Variants in MCM3AP observed in about 807,000 individuals in gnomAD.
MCM3AP encodes germinal-center associated nuclear protein.
Under a neutral mutation model 184.1 loss-of-function variants are expected in MCM3AP, and 126 were observed. The observed-to-expected ratio is 0.68, with a 90% CI of 0.59 to 0.79. The LOEUF is 0.79. Ranked by LOEUF, MCM3AP falls within the 30% of genes least tolerant of loss-of-function variation. The pLI is 0.00. For synonymous variants in MCM3AP, 1,002 were observed against 979.3 expected (o/e 1.02, Z -0.43); for missense variants, 2,496 against 2,479.2 (o/e 1.01, Z -0.14).
At position 46,277,652 on chromosome 21, in the gene MCM3AP, G is replaced by A. The variant is rs201321687; in HGVS notation, c.1733C>T (p.Ala578Val). 7 of 1,611,080 alleles carry A rather than the reference G, an allele frequency of 4.3e-6. No individual in the cohort carries two copies. Among genetic ancestry groups the A allele is most frequent in the Non-Finnish European group, 5.1e-6 (6 of 1,178,528 alleles). The part of the protein sequence containing the change: ...HQFEGDSFDS[A>V]SEGSEGLGPC... The stretch of plus-strand genomic sequence containing the variant: ...CCCGAGGCCCTCGGAGCCCTCGGAG[G>A]CTGAGTCAAAAGAGTCTCCCTCGAA... The change falls in exon 5 of 28, where the codon GCC becomes GTC. Residue 578 changes from alanine to valine, a missense_variant. This residue lies in a region of MCM3AP where 800 missense variants were observed against 717.1 expected (regional missense o/e 1.12). Transcript: ENST00000291688.
intron 26 of MCM3AP, among the ~76,000 whole-genome samples, chr21:46,240,488 C>T (rs2080641505): frequency 6.6e-6 from 1 of 152,132 alleles, no homozygotes. Context: ...GGGCAGGGTG[C>T]CTGTGGCCAG....
chr21:46,269,281 C>CT lies in MCM3AP; in HGVS notation c.2628+1119dup, dbSNP rs1304978951. Among the ~76,000 whole-genome samples the CT allele has an allele frequency of 9.3e-5, 14 of 150,712 alleles. No individual in the cohort carries two copies. In the East Asian group the frequency reaches 1.4e-3, roughly 15 times the overall value. On this transcript the variant is annotated intron_variant, in intron 9 of 27. Transcript: ENST00000291688. ...GGAGCATCCCACCACACCTGCCTGG[C>CT]TTTTTTTTTATTTTTAGTAGAGACA...
chr21:46,273,916 C>A (rs1430135012), intron 6 of MCM3AP, among the ~76,000 whole-genome samples: 1 of 152,110 alleles, frequency 6.6e-6, no homozygotes, highest in Non-Finnish European at 1.5e-5. Context: ...GTCTCAGGCC[C>A]GCTCACACAC....
chr21:46,258,074 T>C (rs1002474623), intron 16 of MCM3AP, among the ~76,000 whole-genome samples: 1 of 152,074 alleles, frequency 6.6e-6, no homozygotes, highest in Non-Finnish European at 1.5e-5. Context: ...TCATATCAGA[T>C]GGAGCAAAGG....
intron 19 of MCM3AP, chr21:46,253,340 T>C (rs1046690487): frequency 3.3e-5 from 5 of 152,258 alleles, no homozygotes; most frequent in African/African-American, 1.2e-4. Flanking sequence ...TCAATGTACC[T>C]TAACACAGCT....
intron 5 of MCM3AP, among the ~76,000 whole-genome samples, chr21:46,276,116 G>A (rs144121281): frequency 0.015 from 2,312 of 152,096 alleles, 30 homozygotes; most frequent in Non-Finnish European, 0.027. Context: ...GCCGGGCGTG[G>A]TGGCGCATGG....
chr21:46,265,781 C>T, intron 11 of MCM3AP, 144 bp downstream of exon 11: 1 of 1,072,598 alleles, frequency 9.3e-7, no homozygotes, highest in South Asian at 1.7e-5. Flanking sequence ...GAGGAAGAGC[C>T]ACACCCCTGG....
intron 20 of MCM3AP, chr21:46,249,512 A>G (rs1052803809): frequency 2.8e-5 from 12 of 434,066 alleles, no homozygotes; most frequent in Non-Finnish European, 5.5e-5. Context: ...TCTACCTATA[A>G]TTTTACAAAC....
At chr21:46,268,996 C>G (rs2081147240) in intron 9 of MCM3AP, among the ~76,000 whole-genome samples, 1 of 152,202 alleles carries the variant, frequency 6.6e-6, no homozygotes, top group Non-Finnish European at 1.5e-5. Context: ...AGAGATCATG[C>G]CACTGCACTC....
intron 15 of MCM3AP, among the ~76,000 whole-genome samples, chr21:46,260,054 C>T (rs1444591909): frequency 2.6e-5 from 4 of 151,532 alleles, no homozygotes; most frequent in South Asian, 4.2e-4. Flanking sequence ...CCAGTGTGGG[C>T]GACAGAGCAA....
At position 46,239,341 on chromosome 21, in the gene MCM3AP, A is replaced by G. The variant is rs17176960; in HGVS notation, c.5633+1470T>C. ...ACCAGGTCTACCAAGACTAAACTGC[A>G]GCCTACTGTAATAATCCAGAAGGAA... On this transcript the variant is annotated intron_variant, in intron 26 of 27. Transcript: ENST00000291688. Among the ~76,000 whole-genome samples the G allele has an allele frequency of 3.3e-3, 508 of 152,376 alleles. 1 individual carries two copies. The highest frequency in any genetic ancestry group is 0.012 in the African/African-American group (493 of 41,594).
chr21:46,285,381 G>A lies in MCM3AP; in HGVS notation c.-95C>T. The A allele has an allele frequency of 2.5e-6, 2 of 788,448 alleles. No homozygotes were observed. Among genetic ancestry groups the A allele is most frequent in the Non-Finnish European group, 4.2e-6 (2 of 473,738 alleles). 48.8% of individuals were successfully genotyped at this position (788,448 alleles called of 1,614,324 possible). On this transcript the variant is annotated 5_prime_UTR_variant, in exon 1 of 28. In the 5' UTR this introduces an upstream ATG that the reference lacks. Transcript: ENST00000291688. ...CTGTAGCACTAGGGAGTTCCCCTTC[G>A]TCTTTAGAACAAGCTGAAAGAGAAA...
Position 46,235,368 on chromosome 21 carries a change from TC to T in MCM3AP, c.5842del (p.Glu1948AsnfsTer3). On this transcript the variant is annotated frameshift_variant, in exon 28 of 28. Transcript: ENST00000291688. LOFTEE classifies it high-confidence loss of function. ...CAGCCTTTCCAGGTGCTTTAGTCGT[TC>T]GCCTAGACACGTTCCTGTCGCCTCT... ...LSEATGTCLG[E>X]RLKHLERLIR... is the part of the protein sequence containing the mutation. 1 of 1,614,196 alleles carries T rather than the reference TC, an allele frequency of 6.2e-7. No homozygotes were observed. Among genetic ancestry groups the T allele is most frequent in the Non-Finnish European group, 8.5e-7 (1 of 1,180,024 alleles).
In MCM3AP at chr21:46,284,247, T is replaced by C; in HGVS notation, c.1040A>G (p.Lys347Arg). 5 of 1,614,196 alleles carry C rather than the reference T, an allele frequency of 3.1e-6. No individual in the cohort carries two copies. Among genetic ancestry groups the C allele is most frequent in the Non-Finnish European group, 4.2e-6 (5 of 1,180,028 alleles). ...LFGRTIQDVF[K>R]SNKEVGRLGN... ...CAGACGACCTACTTCCTTATTGCTT[T>C]TGAAAACATCCTGTATCGTCCGACC... Residue 347 changes from lysine to arginine, a missense_variant, in exon 1 of 28, where the codon AAA (lysine) becomes AGA (arginine). Transcript: ENST00000291688.
At chr21:46,240,665 A>T in intron 26 of MCM3AP, 146 bp downstream of exon 26, 1 of 693,382 alleles carries the variant, frequency 1.4e-6, no homozygotes, top group South Asian at 1.8e-5. Flanking sequence ...AAGAGCTTTT[A>T]AATAGTTACA....
chr21:46,265,186 G>C, intron 12 of MCM3AP, 135 bp downstream of exon 12: 3 of 717,000 alleles, frequency 4.2e-6, no homozygotes, highest in Non-Finnish European at 6.9e-6. Context: ...GAGGCTGAGT[G>C]ACTCTAGGCA....
In MCM3AP at chr21:46,285,481, TA is replaced by T. The variant is rs1032830362; in HGVS notation, c.-196del. The T allele has an allele frequency of 3.5e-6, 2 of 577,812 alleles. No homozygotes were observed. Among genetic ancestry groups the T allele is most frequent in the Non-Finnish European group, 6.1e-6 (2 of 327,488 alleles). 35.8% of individuals were successfully genotyped at this position (577,812 alleles called of 1,614,324 possible). ...TTTGAACACTGTCATACTAAAAGGA[TA>T]ACTATTTCAAAGGCAGGCAAAGGGT... is the stretch of plus-strand genomic sequence containing the variant. On this transcript the variant is annotated 5_prime_UTR_variant, in exon 1 of 28. Coordinates refer to ENST00000291688, the MANE Select transcript of MCM3AP (RefSeq NM_003906.5).
rs894879778 is a variant in MCM3AP at position 46,240,123 on chromosome 21, C to G, written c.5633+688G>C. Among the ~76,000 whole-genome samples the G allele has an allele frequency of 8.5e-5, 13 of 152,048 alleles. No individual in the cohort carries two copies. The South Asian group carries it at 2.7e-3, about 32-fold the overall frequency. On this transcript the variant is annotated intron_variant, in intron 26 of 27. Coordinates refer to ENST00000291688, the MANE Select transcript of MCM3AP (RefSeq NM_003906.5). ...CCTAATATGGGGAGGGGTGGTAGCACGAGAGAGATACTCATTGAATGAATG... is the reference window on the plus strand; with the variant it reads ...CCTAATATGGGGAGGGGTGGTAGCAGGAGAGAGATACTCATTGAATGAATG...
chr21:46,285,863 T>A (rs2081414600), upstream of MCM3AP: 1 of 152,430 alleles, frequency 6.6e-6, no homozygotes, highest in Non-Finnish European at 1.5e-5. Context: ...CATCGCGCCC[T>A]GGCGGCCACC....
Sources: gnomAD v4.1 joint callset for allele counts (sites outside exome capture counted in the v4.1 genomes callset) on GRCh38, gnomAD v4.1.1 for gene constraint, gnomAD v4.1.1 regional missense constraint, MANE v1.5 for transcripts, NCBI Gene and HGNC (gene_info 2026-07-23, HGNC 2026-07-21) for gene names.